Variants in MDGA2 observed in about 807,000 individuals in gnomAD.
MDGA2 encodes MAM domain-containing glycosylphosphatidylinositol anchor protein 2.
In MDGA2, 40 loss-of-function variants were observed where a neutral mutation model predicts 117.8. The observed-to-expected ratio is 0.34, with a 90% CI of 0.26 to 0.44. The LOEUF is 0.44. Ranked by LOEUF, MDGA2 falls within the 20% of genes least tolerant of loss-of-function variation. The pLI is 1.00. For synonymous variants in MDGA2, 452 were observed against 439.0 expected (o/e 1.03, Z -0.37); for missense variants, 1,123 against 1,250.6 (o/e 0.90, Z 1.54).
chr14:46,898,166 T>C (rs999620754), intron 10 of MDGA2, among the ~76,000 whole-genome samples: 5 of 152,044 alleles, frequency 3.3e-5, no homozygotes, highest in African/African-American at 7.2e-5. Flanking sequence ...AGGGTCTGTA[T>C]AATCAGTAAG....
At chr14:47,316,585 A>G (rs1889817414) in intron 1 of MDGA2, among the ~76,000 whole-genome samples, 1 of 152,086 alleles carries the variant, frequency 6.6e-6, no homozygotes, top group Non-Finnish European at 1.5e-5. Context: ...AATATATAAA[A>G]ATAAGGAAAT....
intron 1 of MDGA2, among the ~76,000 whole-genome samples, chr14:47,410,607 G>A (rs1377750439): frequency 6.6e-6 from 1 of 151,986 alleles, no homozygotes; most frequent in East Asian, 1.9e-4. Flanking sequence ...ACATGTAAAT[G>A]AATCAAATGC....
At chr14:47,293,493 G>A (rs1439901448) in intron 2 of MDGA2, among the ~76,000 whole-genome samples, 4 of 152,154 alleles carry the variant, frequency 2.6e-5, no homozygotes, top group Non-Finnish European at 2.9e-5. Flanking sequence ...CAATGGGACA[G>A]GCAAGAATAC....
intron 1 of MDGA2, among the ~76,000 whole-genome samples, chr14:47,328,852 T>A (rs970474409): frequency 6.6e-6 from 1 of 152,048 alleles, no homozygotes; most frequent in Non-Finnish European, 1.5e-5. Flanking sequence ...CAATTAAGAT[T>A]GCGGAGAATA....
intron 1 of MDGA2, among the ~76,000 whole-genome samples, chr14:47,511,568 G>T (rs1451113038): frequency 1.3e-5 from 2 of 152,124 alleles, no homozygotes; most frequent in African/African-American, 4.8e-5. Flanking sequence ...CAGTTAATGT[G>T]CAAGAGGGTT....
At chr14:47,132,254 G>GAC (rs1267665252) in intron 4 of MDGA2, among the ~76,000 whole-genome samples, 1 of 151,758 alleles carries the variant, frequency 6.6e-6, no homozygotes. Flanking sequence ...GATGTGAGAA[G>GAC]ACAAAAGAAA....
At chr14:47,426,710 AT>A (rs1380040393) in intron 1 of MDGA2, among the ~76,000 whole-genome samples, 3 of 147,960 alleles carry the variant, frequency 2.0e-5, no homozygotes, top group Non-Finnish European at 3.0e-5. Context: ...ATATATATAT[AT>A]ACATATATGT....
At chr14:47,654,751 A>G (rs952531876) in intron 1 of MDGA2, among the ~76,000 whole-genome samples, 1 of 152,138 alleles carries the variant, frequency 6.6e-6, no homozygotes, top group Non-Finnish European at 1.5e-5. Flanking sequence ...AAATTAACCC[A>G]GCAATGAAGG....
chr14:47,074,399 C>T (rs970703790), intron 6 of MDGA2, among the ~76,000 whole-genome samples: 1 of 151,944 alleles, frequency 6.6e-6, no homozygotes, highest in Non-Finnish European at 1.5e-5. Context: ...TCCGACTTCA[C>T]GCCATTCTCC....
intron 1 of MDGA2, among the ~76,000 whole-genome samples, chr14:47,400,779 C>CTTTGTT (rs1892122589): frequency 1.7e-5 from 1 of 59,472 alleles, no homozygotes; most frequent in Non-Finnish European, 2.9e-5. Context: ...TTTTTTGAGA[C>CTTTGTT]GGAGTCTTGC....
chr14:47,112,600 C>A (rs992208767), intron 5 of MDGA2, among the ~76,000 whole-genome samples: 5 of 152,182 alleles, frequency 3.3e-5, no homozygotes, highest in African/African-American at 1.2e-4. Flanking sequence ...CATAGTATTC[C>A]ATGGTATATA....
At chr14:47,512,973 G>A (rs1263004667) in intron 1 of MDGA2, among the ~76,000 whole-genome samples, 2 of 146,804 alleles carry the variant, frequency 1.4e-5, no homozygotes, top group Admixed American at 1.3e-4. Context: ...CATTCACAAA[G>A]TTAGTTATTG....
intron 8 of MDGA2, among the ~76,000 whole-genome samples, chr14:46,988,200 G>A (rs1344416327): frequency 6.6e-6 from 1 of 151,726 alleles, no homozygotes. Flanking sequence ...TTCAAAATGG[G>A]AGAATCATGC....
At chr14:47,306,660 T>C (rs1053092998) in intron 1 of MDGA2, among the ~76,000 whole-genome samples, 1 of 152,200 alleles carries the variant, frequency 6.6e-6, no homozygotes, top group African/African-American at 2.4e-5. Context: ...ATGTAACTTA[T>C]GTTCTTGGTT....
At chr14:47,118,322 T>C (rs1330002476) in intron 5 of MDGA2, among the ~76,000 whole-genome samples, 2 of 152,192 alleles carry the variant, frequency 1.3e-5, no homozygotes, top group African/African-American at 4.8e-5. Context: ...GGAATACATA[T>C]AGAAGAACTA....
chr14:46,917,910 G>T (rs1483481945), intron 10 of MDGA2, among the ~76,000 whole-genome samples: 1 of 152,238 alleles, frequency 6.6e-6, no homozygotes, highest in East Asian at 1.9e-4. Context: ...TAAATGACGG[G>T]ATCTCTCTTG....
chr14:46,931,525 C>CTTTT lies in MDGA2; in HGVS notation c.2090-11369_2090-11366dup, dbSNP rs34478677. The stretch of plus-strand genomic sequence containing the variant: ...TCCAATTGCTTTTAGTTTATTTTTG[C>CTTTT]TTTTTTTTTTTTTTTGAGATGGAGT... On this transcript the variant is annotated intron_variant, in intron 9 of 16. Coordinates refer to ENST00000399232, the MANE Select transcript of MDGA2 (RefSeq NM_001113498.3). 6.0e-3 allele frequency among the ~76,000 whole-genome samples: 772 copies of CTTTT among 128,876 alleles called. 31 individuals carry two copies. The highest frequency in any genetic ancestry group is 0.018 in the African/African-American group (630 of 34,164). 84.5% of individuals were successfully genotyped at this position (128,876 alleles called of 152,430 possible).
chr14:47,386,532 T>C (rs1397411502), intron 1 of MDGA2, among the ~76,000 whole-genome samples: 1 of 152,050 alleles, frequency 6.6e-6, no homozygotes, highest in East Asian at 1.9e-4. Context: ...GGTAAAAGTG[T>C]TCTCAGGAAA....
intron 1 of MDGA2, among the ~76,000 whole-genome samples, chr14:47,453,368 T>C (rs1307033588): frequency 6.6e-6 from 1 of 152,174 alleles, no homozygotes; most frequent in Non-Finnish European, 1.5e-5. Flanking sequence ...TCTTTTGTCT[T>C]TGACAAATTC....
Sources: allele counts gnomAD v4.1 joint callset (sites outside exome capture counted in the v4.1 genomes callset), GRCh38; gene constraint gnomAD v4.1.1; transcripts MANE v1.5; gene names NCBI Gene and HGNC (gene_info 2026-07-23, HGNC 2026-07-21).